POMZP3: variants seen among roughly 807,000 people sequenced by gnomAD.
POMZP3 encodes POM121 and ZP3 fusion, also known as POM121 and ZP3 fusion protein.
A neutral mutation model predicts 19.8 loss-of-function variants in POMZP3; 10 were observed. The ratio of observed to expected loss-of-function variants is 0.51; its 90% CI spans 0.31 to 0.86. The LOEUF (loss-of-function observed/expected upper bound fraction) is 0.86. POMZP3 is among the 40% of genes least tolerant of loss of function. The probability of loss-of-function intolerance (pLI) is 0.04; values close to 1 mark genes in which losing one functional copy is unlikely to be tolerated. For synonymous variants in POMZP3, 57 were observed against 85.8 expected, an observed-to-expected ratio of 0.66 and a Z score of 1.85; for missense variants, 152 against 228.1, an observed-to-expected ratio of 0.67 and a Z score of 2.15.
chr7:76,626,865 G>T lies in POMZP3; in HGVS notation c.-309C>A, dbSNP rs916226634. 4 of 1,401,166 alleles carry T rather than the reference G, an allele frequency of 2.9e-6. No homozygotes were observed. Among genetic ancestry groups the T allele is most frequent in the Non-Finnish European group, 3.7e-6 (4 of 1,087,132 alleles). The allele number at this position is 1,401,166 out of a possible 1,614,324, so 86.8% of individuals were successfully genotyped here. ...TCCGCAGGTCCTGGCCCTCCGGAGC[G>T]GGGGCGGGCTGCGGCGGCCCGGGCT... On this transcript the variant is annotated 5_prime_UTR_variant, in exon 1 of 7. Transcript: ENST00000310842.
At position 76,610,769 on chromosome 7, in the gene POMZP3, G is replaced by A. The variant is rs576007461; in HGVS notation, c.*12-554C>T. The stretch of plus-strand genomic sequence containing the variant: ...TTTTGTAGAGACAGGGTCTTGCTAT[G>A]TTGCCCAGGCTGGTCGAGAACTCAT... On this transcript the variant is annotated intron_variant, in intron 6 of 6. Coordinates refer to ENST00000310842, the MANE Select transcript of POMZP3 (RefSeq NM_012230.5). Among the ~76,000 whole-genome samples, 651 of 149,282 alleles carry A rather than the reference G, an allele frequency of 4.4e-3. 4 individuals carry two copies. The highest frequency in any genetic ancestry group is 0.025 in the South Asian group (117 of 4,680).
intron 1 of POMZP3, 55 bp from the exon 2 acceptor site, chr7:76,626,270 T>C: frequency 2.1e-6 from 3 of 1,462,966 alleles, no homozygotes; most frequent in South Asian, 1.3e-5. Context: ...ATGTCAAAAT[T>C]TTAGACGGTT....
At position 76,619,032 on chromosome 7, in the gene POMZP3, CTT is replaced by C. The variant is rs200756627; in HGVS notation, c.228-734_228-733del. On this transcript the variant is annotated intron_variant, in intron 3 of 6. Coordinates refer to ENST00000310842, the MANE Select transcript of POMZP3 (RefSeq NM_012230.5). ...CAAACTCCTGGGCTCACGCATTCCT[CTT>C]GTCTCAGCCTCCTAAAGTGCTGAGA... Among the ~76,000 whole-genome samples the C allele has an allele frequency of 6.1e-3, 925 of 152,254 alleles. 12 individuals carry two copies. The highest frequency in any genetic ancestry group is 0.021 in the African/African-American group (883 of 41,554).
chr7:76,611,087 T>C (rs1815070133), intron 6 of POMZP3, among the ~76,000 whole-genome samples: 1 of 143,494 alleles, frequency 7.0e-6, no homozygotes, highest in Admixed American at 7.0e-5. Flanking sequence ...TTGGTCAGGC[T>C]GGTCTCGAAC....
chr7:76,626,779 GGT>G lies in POMZP3; in HGVS notation c.-225_-224del, dbSNP rs1815926185. 7.2e-7 allele frequency: 1 copy of G among 1,396,000 alleles called. No individual in the cohort carries two copies. The highest frequency in any genetic ancestry group is 1.6e-5 in the African/African-American group (1 of 63,448). 86.5% of individuals were successfully genotyped at this position (1,396,000 alleles called of 1,614,324 possible). Reference sequence around the variant, plus strand: ...AGGGGTAAAAGTGGTGAACGCGATGGGTCGGCGGGGAGGGCGGTGTGGAGCGC... The same window carrying G: ...AGGGGTAAAAGTGGTGAACGCGATGGCGGCGGGGAGGGCGGTGTGGAGCGC... On this transcript the variant is annotated 5_prime_UTR_variant, in exon 1 of 7. An upstream open reading frame in the 5' UTR loses its in-frame stop. Coordinates refer to ENST00000310842, the MANE Select transcript of POMZP3 (RefSeq NM_012230.5).
At chr7:76,622,374 G>GTTTTT (rs757086256) in intron 3 of POMZP3, among the ~76,000 whole-genome samples, 1 of 62,794 alleles carries the variant, frequency 1.6e-5, no homozygotes, top group Non-Finnish European at 3.0e-5. Flanking sequence ...TCATTCTCAA[G>GTTTTT]TTTTTTTTTT....
At chr7:76,612,938 G>A (rs1459260745) in intron 4 of POMZP3, among the ~76,000 whole-genome samples, 1 of 74,700 alleles carries the variant, frequency 1.3e-5, no homozygotes, top group Non-Finnish European at 2.6e-5. Flanking sequence ...TTTTTTTGAG[G>A]TGGAGTCTTG....
chr7:76,616,531 G>C lies in POMZP3; in HGVS notation c.345+1652C>G, dbSNP rs397832809. ...TCCTAACCACCTATTCTAAGCTCAC[G>C]GCCTCACCTCTCATCTCAGTGAGCT... is the stretch of plus-strand genomic sequence containing the variant. On this transcript the variant is annotated intron_variant, in intron 4 of 6. Transcript: ENST00000310842. 8.0e-4 allele frequency among the ~76,000 whole-genome samples: 79 copies of C among 98,966 alleles called. 13 individuals are homozygous for C. Among genetic ancestry groups the C allele is most frequent in the Non-Finnish European group, 1.2e-3 (54 of 44,804 alleles). 64.9% of individuals were successfully genotyped at this position (98,966 alleles called of 152,430 possible). A position where few individuals can be genotyped will look rare whatever the true frequency, so the allele number is the denominator to read the frequency against.
intron 3 of POMZP3, chr7:76,621,164 T>C (rs553164393): frequency 6.7e-6 from 1 of 150,358 alleles, no homozygotes; most frequent in Non-Finnish European, 1.5e-5. Context: ...CGCCAGGTGA[T>C]GTCCATTCAT....
At chr7:76,620,475 C>G (rs1330467720) in intron 3 of POMZP3, among the ~76,000 whole-genome samples, 1 of 150,448 alleles carries the variant, frequency 6.6e-6, no homozygotes, top group African/African-American at 2.5e-5. Flanking sequence ...TGAGCCTTTT[C>G]TTTTGTTTTT....
At chr7:76,619,099 G>A (rs1378145360) in intron 3 of POMZP3, among the ~76,000 whole-genome samples, 1 of 152,148 alleles carries the variant, frequency 6.6e-6, no homozygotes, top group East Asian at 1.9e-4. Flanking sequence ...AATTTTTAAA[G>A]ATTTAGAGAG....
At chr7:76,619,144 A>C (rs1174448195) in intron 3 of POMZP3, among the ~76,000 whole-genome samples, 1 of 152,114 alleles carries the variant, frequency 6.6e-6, no homozygotes, top group Non-Finnish European at 1.5e-5. Context: ...CATGCCTCTA[A>C]TCCCAGCACT....
chr7:76,619,690 A>C (rs1206112957), intron 3 of POMZP3, among the ~76,000 whole-genome samples: 7 of 141,234 alleles, frequency 5.0e-5, no homozygotes, highest in Non-Finnish European at 1.1e-4. Flanking sequence ...GACGTGGCCC[A>C]AGAAAGAATG....
In POMZP3 at chr7:76,610,197, A is replaced by C; in HGVS notation, c.*30T>G. On this transcript the variant is annotated 3_prime_UTR_variant, in exon 7 of 7. Transcript: ENST00000310842. The stretch of plus-strand genomic sequence containing the variant: ...CAGGAAGATCAGTGGCCCCACGGTG[A>C]CATCTGCTTCTTCTGTCACTGTGAA... 1 of 1,613,306 alleles carries C rather than the reference A, an allele frequency of 6.2e-7. No individual in the cohort carries two copies. Among genetic ancestry groups the C allele is most frequent in the South Asian group, 1.1e-5 (1 of 91,054 alleles).
chr7:76,618,792 A>T lies in POMZP3; in HGVS notation c.228-492T>A, dbSNP rs1388663056. ...TAGGGGGATAAGCTGAAGAATTGTT[A>T]AAGATTTTATTTATTTATTTTTTGA... On this transcript the variant is annotated intron_variant, in intron 3 of 6. Transcript: ENST00000310842. Among the ~76,000 whole-genome samples, 5 of 151,872 alleles carry T rather than the reference A, an allele frequency of 3.3e-5. 1 individual carries two copies. Among genetic ancestry groups the T allele is most frequent in the African/African-American group, 1.2e-4 (5 of 41,342 alleles).
At chr7:76,612,000 A>G (rs1384644869) in intron 4 of POMZP3, among the ~76,000 whole-genome samples, 187 bp from the exon 5 acceptor site, 1 of 150,858 alleles carries the variant, frequency 6.6e-6, no homozygotes, top group African/African-American at 2.5e-5. Context: ...GGAGTTCGAG[A>G]CCAACCTGGC....
chr7:76,615,398 C>G (rs1339367023), intron 4 of POMZP3: 1 of 88,980 alleles, frequency 1.1e-5, no homozygotes, highest in Non-Finnish European at 2.3e-5. Flanking sequence ...CAGGGCCCAC[C>G]ACTGAGAGCT....
Position 76,619,437 on chromosome 7 carries a change from A to G in POMZP3, c.228-1137T>C, listed in dbSNP as rs941719124. On this transcript the variant is annotated intron_variant, in intron 3 of 6. Transcript: ENST00000310842. ...ATAGGGCTCTCTCCTCTCTGGCAGTATCCCCACTCCCCACAACATACACAG... is the reference window on the plus strand; with the variant it reads ...ATAGGGCTCTCTCCTCTCTGGCAGTGTCCCCACTCCCCACAACATACACAG... 6.2e-4 allele frequency among the ~76,000 whole-genome samples: 94 copies of G among 151,072 alleles called. 1 individual carries two copies. Among genetic ancestry groups the G allele is most frequent in the South Asian group, 2.1e-3 (10 of 4,786 alleles).
intron 4 of POMZP3, among the ~76,000 whole-genome samples, chr7:76,615,097 G>A (rs62475913): frequency 0.39 from 34,000 of 86,616 alleles, 7,070 homozygotes; most frequent in Middle Eastern, 0.47. Context: ...ACCTTTGAAG[G>A]GGAGCCCTCC....
Sources: allele counts gnomAD v4.1 joint callset (sites outside exome capture counted in the v4.1 genomes callset), GRCh38; gene constraint gnomAD v4.1.1; transcripts MANE v1.5; gene names NCBI Gene and HGNC (gene_info 2026-07-23, HGNC 2026-07-21).